The following SMARCB1 variants were observed in gnomAD, a reference collection of about 807,000 sequenced individuals.
SMARCB1 encodes the protein SWI/SNF-related matrix-associated actin-dependent regulator of chromatin subfamily B member 1.
In SMARCB1, 5 loss-of-function variants were observed where a neutral mutation model predicts 49.0. The ratio of observed to expected loss-of-function variants is 0.10; its 90% CI spans 0.05 to 0.21. The LOEUF (loss-of-function observed/expected upper bound fraction) is 0.21, where lower values mean the gene tolerates loss of function less well. Ranked by LOEUF, SMARCB1 falls within the 10% of genes least tolerant of loss-of-function variation. SMARCB1 has a pLI of 1.00. For missense variants in SMARCB1, 226 were observed against 509.2 expected, an observed-to-expected ratio of 0.44 and a Z score of 5.35; for synonymous variants, 201 against 200.1, an observed-to-expected ratio of 1.00 and a Z score of -0.04.
rs1174466297 is a variant in SMARCB1 at position 23,790,528 on chromosome 22, C to G, written c.94-1228C>G. The stretch of plus-strand genomic sequence containing the variant: ...CTGGGCAACATAGTGAGACTCTTGT[C>G]TCTACAGATTTTTATTTTTATTTTT... On this transcript the variant is annotated intron_variant, in intron 1 of 8. Transcript: ENST00000644036. 2.0e-5 allele frequency among the ~76,000 whole-genome samples: 3 copies of G among 151,820 alleles called. No homozygotes were observed. The East Asian group carries it at 5.8e-4, about 29-fold the overall frequency.
rs532222415 is a variant in SMARCB1 at position 23,831,483 on chromosome 22, T to C, written c.987-2089T>C. On this transcript the variant is annotated intron_variant, in intron 7 of 8. Transcript: ENST00000644036. ...TCCCTGGAAGGAATGGGGAGCAGGGTGGCTCCCAGGGTCCCCAGCACTCTT... is the reference window on the plus strand; with the variant it reads ...TCCCTGGAAGGAATGGGGAGCAGGGCGGCTCCCAGGGTCCCCAGCACTCTT... Among the ~76,000 whole-genome samples the C allele has an allele frequency of 2.0e-5, 3 of 152,184 alleles. No homozygotes were observed. In the South Asian group the frequency reaches 6.2e-4, roughly 32 times the overall value.
rs1171862167 is a variant in SMARCB1 at position 23,836,766 on chromosome 22, T to A, written c.*2586T>A. 8 of 1,394,532 alleles carry A rather than the reference T, an allele frequency of 5.7e-6. No individual in the cohort carries two copies. The African/African-American group carries it at 1.2e-4, about 21-fold the overall frequency. 86.4% of individuals were successfully genotyped at this position (1,394,532 alleles called of 1,614,324 possible). ...CATTCTGTTTATTCAGGTGGGCCCTTGCATGGGCCCAGCCTTTAGGATGGG... is the reference window on the plus strand; with the variant it reads ...CATTCTGTTTATTCAGGTGGGCCCTAGCATGGGCCCAGCCTTTAGGATGGG... On this transcript the variant is annotated 3_prime_UTR_variant, in exon 9 of 9. Transcript: ENST00000644036.
intron 6 of SMARCB1, 132 bp downstream of exon 6, chr22:23,817,068 C>A: frequency 1.3e-6 from 1 of 741,274 alleles, no homozygotes. Context: ...AAAGTCATAA[C>A]ACCTGGCTTT....
chr22:23,825,251 C>T lies in SMARCB1; in HGVS notation c.822C>T (p.Ser274=), dbSNP rs1386414055. ...TGAACATCCATGTGGGAAACATTTC[C>T]CTGGTGGACCAGTTTGAGTGGGACA... ...IKLNIHVGNI[S]LVDQFEWDMS... is the part of the protein sequence containing the mutation. Residue 274 remains serine (S), a synonymous_variant, in exon 7 of 9, where the codon TCC becomes TCT. Coordinates refer to ENST00000644036, the MANE Select transcript of SMARCB1 (RefSeq NM_003073.5). 2 of 1,614,014 alleles carry T rather than the reference C, an allele frequency of 1.2e-6. No individual in the cohort carries two copies. Among genetic ancestry groups the T allele is most frequent in the East Asian group, 2.2e-5 (1 of 44,894 alleles).
rs34649265 is a variant in SMARCB1, at chr22:23,817,237, G to A, written c.795+301G>A. 460 of 523,602 alleles carry A rather than the reference G, an allele frequency of 8.8e-4. 4 individuals carry two copies. Among genetic ancestry groups the A allele is most frequent in the African/African-American group, 7.0e-3 (369 of 52,814 alleles). 32.4% of individuals were successfully genotyped at this position (523,602 alleles called of 1,614,324 possible). A position where few individuals can be genotyped will look rare whatever the true frequency, so the allele number is the denominator to read the frequency against. ...GGCAGCTGATTGGCTGGGCCAGGCTGAGTGCTCCAGGGGGGCCTAGTAACC... is the reference window on the plus strand; with the variant it reads ...GGCAGCTGATTGGCTGGGCCAGGCTAAGTGCTCCAGGGGGGCCTAGTAACC... On this transcript the variant is annotated intron_variant, in intron 6 of 8. Coordinates refer to ENST00000644036, the MANE Select transcript of SMARCB1 (RefSeq NM_003073.5).
Position 23,835,294 on chromosome 22 carries a change from GCAGCT to G in SMARCB1, c.*1116_*1120del. On this transcript the variant is annotated 3_prime_UTR_variant, in exon 9 of 9. Transcript: ENST00000644036. ...ATCTGGGAGGGCAGCAAACTGGCTC[GCAGCT>G]CCAGCCTTACTGAAGAGAATGGGCA... The G allele has an allele frequency of 5.7e-6, 6 of 1,050,416 alleles. No individual in the cohort carries two copies. The highest frequency in any genetic ancestry group is 6.9e-6 in the Non-Finnish European group (6 of 872,672). The allele number at this position is 1,050,416 out of a possible 1,614,324, so 65.1% of individuals were successfully genotyped here.
chr22:23,793,544 G>A lies in SMARCB1; in HGVS notation c.233-15G>A. The A allele has an allele frequency of 6.2e-7, 1 of 1,611,026 alleles. No individual in the cohort carries two copies. Among genetic ancestry groups the A allele is most frequent in the Non-Finnish European group, 8.5e-7 (1 of 1,178,102 alleles). ...GCCACCAGCAGAGTGACCCAGTGATGTTTGTCTGTTACAGATCACGGATAC... is the reference window on the plus strand; with the variant it reads ...GCCACCAGCAGAGTGACCCAGTGATATTTGTCTGTTACAGATCACGGATAC... On this transcript the variant is annotated splice_polypyrimidine_tract_variant and intron_variant, in intron 2 of 8. Transcript: ENST00000644036.
intron 5 of SMARCB1, among the ~76,000 whole-genome samples, chr22:23,805,437 T>C (rs1929434844): frequency 6.6e-6 from 1 of 152,228 alleles, no homozygotes; most frequent in Non-Finnish European, 1.5e-5. Context: ...ATCATAGTTA[T>C]TTGTTAATTC....
At position 23,837,418 on chromosome 22, in the gene SMARCB1, C is replaced by T. The variant is rs950018991; in HGVS notation, c.*3238C>T. 23 of 640,108 alleles carry T rather than the reference C, an allele frequency of 3.6e-5. No homozygotes were observed. The highest frequency in any genetic ancestry group is 4.8e-5 in the Non-Finnish European group (18 of 373,552). 39.7% of individuals were successfully genotyped at this position (640,108 alleles called of 1,614,324 possible). On this transcript the variant is annotated 3_prime_UTR_variant, in exon 9 of 9. Transcript: ENST00000644036. ...CATGGGGCAGGAACCCTGACCCTCC[C>T]ATCCTCACTCCCATCAGGACCGTGC... is the stretch of plus-strand genomic sequence containing the variant.
At chr22:23,819,968 T>G (rs574356552) in intron 6 of SMARCB1, among the ~76,000 whole-genome samples, 195 of 152,270 alleles carry the variant, frequency 1.3e-3, no homozygotes, top group African/African-American at 4.4e-3. Context: ...GAGCTGGGAC[T>G]ACAGGCGCAT....
chr22:23,826,755 A>G (rs999182828), intron 7 of SMARCB1, among the ~76,000 whole-genome samples: 15 of 152,220 alleles, frequency 9.9e-5, no homozygotes, highest in Non-Finnish European at 4.4e-5. Flanking sequence ...ACAGCTTTCT[A>G]TGACTTCCCA....
intron 6 of SMARCB1, among the ~76,000 whole-genome samples, chr22:23,822,177 G>GGCCTGGCTGCCCTTGCCAGGGC (rs1296040144): frequency 6.6e-6 from 1 of 152,264 alleles, no homozygotes; most frequent in Non-Finnish European, 1.5e-5. Context: ...CCAAAGCCCA[G>GGCCTGGCTGCCCTTGCCAGGGC]GCCTGGCTGC....
In SMARCB1 at chr22:23,836,861, G is replaced by T; in HGVS notation, c.*2681G>T. 6.9e-7 allele frequency: 1 copy of T among 1,459,740 alleles called. No individual in the cohort carries two copies. The highest frequency in any genetic ancestry group is 1.5e-5 in the South Asian group (1 of 67,804). 90.4% of individuals were successfully genotyped at this position (1,459,740 alleles called of 1,614,324 possible). ...CAGAAGCCTCTTAGGCCTGGCCCTG[G>T]GTGGGGGTCACTGCTGCGGGGGTGG... On this transcript the variant is annotated 3_prime_UTR_variant, in exon 9 of 9. Transcript: ENST00000644036.
intron 7 of SMARCB1, among the ~76,000 whole-genome samples, chr22:23,830,563 T>C (rs537819436): frequency 6.6e-6 from 1 of 152,236 alleles, no homozygotes; most frequent in South Asian, 2.1e-4. Flanking sequence ...GAAGATATTT[T>C]CTCTCATTTG....
chr22:23,836,696 A>G lies in SMARCB1; in HGVS notation c.*2516A>G, dbSNP rs2031074444. 1 of 1,322,540 alleles carries G rather than the reference A, an allele frequency of 7.6e-7. No individual in the cohort carries two copies. The highest frequency in any genetic ancestry group is 2.4e-5 in the South Asian group (1 of 41,688). 81.9% of individuals were successfully genotyped at this position (1,322,540 alleles called of 1,614,324 possible). A position where few individuals can be genotyped will look rare whatever the true frequency, so the allele number is the denominator to read the frequency against. On this transcript the variant is annotated 3_prime_UTR_variant, in exon 9 of 9. Coordinates refer to ENST00000644036, the MANE Select transcript of SMARCB1 (RefSeq NM_003073.5). ...GGGGCAGGCATAGAAGGATGTGGCC[A>G]GGTGAGATGGGGAAGCCAGTGCTGT...
chr22:23,819,233 C>T (rs1303481789), intron 6 of SMARCB1, among the ~76,000 whole-genome samples: 1 of 152,190 alleles, frequency 6.6e-6, no homozygotes, highest in Non-Finnish European at 1.5e-5. Context: ...TGGACAGACA[C>T]TTGGGTTGCT....
intron 7 of SMARCB1, among the ~76,000 whole-genome samples, chr22:23,833,101 G>C (rs967126378): frequency 2.0e-5 from 3 of 152,182 alleles, no homozygotes; most frequent in South Asian, 2.1e-4. Flanking sequence ...TGGGGGGCTG[G>C]GGACTTCTGG....
At position 23,812,493 on chromosome 22, in the gene SMARCB1, C is replaced by T. The variant is rs34820822; in HGVS notation, c.629-4277C>T. ...GATCAATTTTATAAAGCTCGTATTA[C>T]CTAGATACCAAACCTAAAGACAGTA... On this transcript the variant is annotated intron_variant, in intron 5 of 8. Coordinates refer to ENST00000644036, the MANE Select transcript of SMARCB1 (RefSeq NM_003073.5). Among the ~76,000 whole-genome samples, 490 of 152,156 alleles carry T rather than the reference C, an allele frequency of 3.2e-3. 2 individuals are homozygous for T. Among genetic ancestry groups the T allele is most frequent in the African/African-American group, 0.011 (448 of 41,516 alleles).
chr22:23,827,824 A>G (rs2030462974), intron 7 of SMARCB1, among the ~76,000 whole-genome samples: 1 of 151,524 alleles, frequency 6.6e-6, no homozygotes, highest in African/African-American at 2.4e-5. Context: ...CCTGACTCCA[A>G]CTCGCGTTCC....
Sources: allele counts gnomAD v4.1 joint callset (sites outside exome capture counted in the v4.1 genomes callset), GRCh38; gene constraint gnomAD v4.1.1; transcripts MANE v1.5; gene names NCBI Gene and HGNC (gene_info 2026-07-23, HGNC 2026-07-21).